NT5M: variants seen among roughly 807,000 people sequenced by gnomAD.
NT5M encodes 5'(3')-deoxyribonucleotidase, mitochondrial.
Under a neutral mutation model 22.2 loss-of-function variants are expected in NT5M, and 22 were observed. The observed-to-expected ratio is 0.99, with a 90% CI of 0.71 to 1.41. The LOEUF is 1.41. NT5M is among the 40% of genes most tolerant of loss of function. NT5M has a pLI of 0.00. For synonymous variants in NT5M, 167 were observed against 133.0 expected (o/e 1.26, Z -1.76); for missense variants, 322 against 314.8 (o/e 1.02, Z -0.17).
Position 17,339,049 on chromosome 17 carries a change from A to G in NT5M, c.430-5745A>G, listed in dbSNP as rs147629762. ...GCCTGTCATTGGTATTTTAATAGGG[A>G]TTGCATTAAATCTGTAAATTGCTTT... is the stretch of plus-strand genomic sequence containing the variant. On this transcript the variant is annotated intron_variant, in intron 3 of 4. Transcript: ENST00000389022. 2.5e-3 allele frequency among the ~76,000 whole-genome samples: 383 copies of G among 152,200 alleles called. 4 individuals are homozygous for G. The highest frequency in any genetic ancestry group is 8.5e-3 in the African/African-American group (355 of 41,542).
chr17:17,312,549 C>T (rs1213086511), intron 2 of NT5M, among the ~76,000 whole-genome samples: 1 of 149,756 alleles, frequency 6.7e-6, no homozygotes, highest in Non-Finnish European at 1.5e-5. Context: ...GAGGCTGAGG[C>T]AGGAGAATTG....
At chr17:17,313,811 C>A (rs192703133) in intron 2 of NT5M, among the ~76,000 whole-genome samples, 3 of 152,148 alleles carry the variant, frequency 2.0e-5, no homozygotes, top group Non-Finnish European at 2.9e-5. Flanking sequence ...TGAAAAGGAA[C>A]CTGCCAGGTA....
chr17:17,335,663 T>C (rs7211968), intron 3 of NT5M, among the ~76,000 whole-genome samples: 67,968 of 151,474 alleles, frequency 0.45, 16,248 homozygotes, highest in African/African-American at 0.62. Context: ...GATGGAGTCT[T>C]GCTCTGTCAC....
At chr17:17,307,155 G>A (rs1266794952) in intron 2 of NT5M, among the ~76,000 whole-genome samples, 3 of 152,158 alleles carry the variant, frequency 2.0e-5, no homozygotes, top group South Asian at 4.2e-4. Flanking sequence ...CCGAGATCGC[G>A]CCATTGCACT....
At chr17:17,307,867 A>G (rs2048840877) in intron 2 of NT5M, among the ~76,000 whole-genome samples, 1 of 151,982 alleles carries the variant, frequency 6.6e-6, no homozygotes, top group Admixed American at 6.6e-5. Flanking sequence ...CCAAAAAAAA[A>G]AAGAAACCCT....
At chr17:17,312,470 C>T (rs529865199) in intron 2 of NT5M, among the ~76,000 whole-genome samples, 5 of 151,452 alleles carry the variant, frequency 3.3e-5, no homozygotes, top group African/African-American at 7.3e-5. Flanking sequence ...GGAGAAACCC[C>T]GTCTCTACTA....
At chr17:17,326,567 CCGTCT>C (rs2049271280) in intron 3 of NT5M, among the ~76,000 whole-genome samples, 1 of 152,210 alleles carries the variant, frequency 6.6e-6, no homozygotes, top group Non-Finnish European at 1.5e-5. Flanking sequence ...AGCCCGCAGA[CCGTCT>C]CTCCAGCAAA....
At chr17:17,311,018 A>AT (rs1321076776) in intron 2 of NT5M, among the ~76,000 whole-genome samples, 1 of 151,574 alleles carries the variant, frequency 6.6e-6, no homozygotes, top group Non-Finnish European at 1.5e-5. Context: ...AAATACAAAG[A>AT]TTTGCCCCTG....
intron 3 of NT5M, among the ~76,000 whole-genome samples, chr17:17,325,521 C>T (rs1433181610): frequency 6.6e-6 from 1 of 152,180 alleles, no homozygotes; most frequent in Non-Finnish European, 1.5e-5. Flanking sequence ...GCTTCTGTCT[C>T]TTCTCATTGC....
In NT5M at chr17:17,303,621, C is replaced by A; in HGVS notation, c.71C>A (p.Ala24Glu). Residue 24 changes from alanine to glutamate, a missense_variant, in exon 1 of 5, where the codon GCG (alanine) becomes GAG (glutamate). Transcript: ENST00000389022. ...SAAVPAGRRG[A>E]AGGLGLAGGR... Reference sequence around the variant, plus strand: ...GCGGTTCCCGCGGGGCGGCGCGGGGCGGCGGGCGGGCTGGGCCTGGCGGGA... The same window carrying A: ...GCGGTTCCCGCGGGGCGGCGCGGGGAGGCGGGCGGGCTGGGCCTGGCGGGA... 1 of 1,299,410 alleles carries A rather than the reference C, an allele frequency of 7.7e-7. No individual in the cohort carries two copies. Among genetic ancestry groups the A allele is most frequent in the South Asian group, 2.7e-5 (1 of 37,654 alleles). The allele number at this position is 1,299,410 out of a possible 1,614,324, so 80.5% of individuals were successfully genotyped here.
At chr17:17,338,975 C>T (rs142858790) in intron 3 of NT5M, among the ~76,000 whole-genome samples, 2,445 of 152,204 alleles carry the variant, frequency 0.016, 68 homozygotes, top group African/African-American at 0.055. Flanking sequence ...GATCTGCCTG[C>T]CTCGGCCTCC....
chr17:17,332,647 T>A (rs978198049), intron 3 of NT5M, among the ~76,000 whole-genome samples: 5 of 152,274 alleles, frequency 3.3e-5, no homozygotes, highest in South Asian at 2.1e-4. Context: ...AAAATGGTAA[T>A]CAGGTGATGA....
chr17:17,317,811 A>C (rs2049062610), intron 2 of NT5M, among the ~76,000 whole-genome samples: 1 of 151,950 alleles, frequency 6.6e-6, no homozygotes, highest in Non-Finnish European at 1.5e-5. Flanking sequence ...AAAAATACAA[A>C]AATTAGCTAG....
At chr17:17,333,633 C>G (rs2049433186) in intron 3 of NT5M, 1 of 151,750 alleles carries the variant, frequency 6.6e-6, no homozygotes, top group South Asian at 2.1e-4. Flanking sequence ...AAGTTTTATA[C>G]TTTTAGATTT....
rs1004796846 is a variant in NT5M, at chr17:17,339,853, T to A, written c.430-4941T>A. On this transcript the variant is annotated intron_variant, in intron 3 of 4. Transcript: ENST00000389022. ...ACTTGGTCATGCTGGATGATCTTTT[T>A]AATGTGTTGTTGAATTCAATTTGCT... Among the ~76,000 whole-genome samples the A allele has an allele frequency of 4.6e-5, 7 of 152,230 alleles. No individual in the cohort carries two copies. The East Asian group carries it at 1.3e-3, about 29-fold the overall frequency.
At chr17:17,337,692 CAT>C (rs1425598432) in intron 3 of NT5M, among the ~76,000 whole-genome samples, 1 of 152,144 alleles carries the variant, frequency 6.6e-6, no homozygotes. Context: ...ACGCAGCCAC[CAT>C]ATGTCTTCTT....
chr17:17,323,029 C>G (rs548831065), intron 2 of NT5M, among the ~76,000 whole-genome samples, 156 bp from the exon 3 acceptor site: 1 of 152,280 alleles, frequency 6.6e-6, no homozygotes, highest in African/African-American at 2.4e-5. Flanking sequence ...GCCGACACCT[C>G]TGGTGTGGAT....
At chr17:17,325,343 A>G (rs1216333237) in intron 3 of NT5M, among the ~76,000 whole-genome samples, 4 of 151,656 alleles carry the variant, frequency 2.6e-5, no homozygotes, top group Non-Finnish European at 4.4e-5. Context: ...GACCCGATGT[A>G]TCTGTCCCTG....
At chr17:17,324,256 G>T (rs1434502844) in intron 3 of NT5M, among the ~76,000 whole-genome samples, 1 of 151,356 alleles carries the variant, frequency 6.6e-6, no homozygotes. Flanking sequence ...GGCCGATGCA[G>T]GTGGGTCACC....
Sources: allele counts gnomAD v4.1 joint callset (sites outside exome capture counted in the v4.1 genomes callset), GRCh38; gene constraint gnomAD v4.1.1; transcripts MANE v1.5; gene names NCBI Gene and HGNC (gene_info 2026-07-23, HGNC 2026-07-21).